Variants in THSD7A observed in about 807,000 individuals in gnomAD.
THSD7A encodes thrombospondin type-1 domain-containing protein 7A.
A neutral mutation model predicts 231.3 loss-of-function variants in THSD7A; 96 were observed. The observed-to-expected ratio is 0.41, with a 90% CI of 0.35 to 0.49. The LOEUF is 0.49. Ranked by LOEUF, THSD7A falls within the 20% of genes least tolerant of loss-of-function variation. The probability of loss-of-function intolerance (pLI) is 0.05; values close to 1 mark genes in which losing one functional copy is unlikely to be tolerated. For synonymous variants in THSD7A, 940 were observed against 743.3 expected (o/e 1.26, Z -4.30); for missense variants, 2,290 against 2,070.2 (o/e 1.11, Z -2.06).
At chr7:11,520,365 C>A (rs1788211474) in intron 6 of THSD7A, among the ~76,000 whole-genome samples, 1 of 152,130 alleles carries the variant, frequency 6.6e-6, no homozygotes, top group Admixed American at 6.5e-5. Context: ...CATAGCATAA[C>A]AAGCCTGACA....
chr7:11,438,048 CAA>C (rs1294331339), intron 13 of THSD7A, among the ~76,000 whole-genome samples: 3 of 151,626 alleles, frequency 2.0e-5, no homozygotes, highest in African/African-American at 4.8e-5. Context: ...CCTGTTCCTA[CAA>C]ATGTTAGTAG....
Position 11,406,289 on chromosome 7 carries a change from G to A in THSD7A, c.4237+11C>T. ...ATAATCAGAATATGAATTCTCCTTTGCCGTTGTTACCTGGGCAAGGCTGGC... is the reference window on the plus strand; with the variant it reads ...ATAATCAGAATATGAATTCTCCTTTACCGTTGTTACCTGGGCAAGGCTGGC... On this transcript the variant is annotated intron_variant, in intron 22 of 27. Coordinates refer to ENST00000423059, the MANE Select transcript of THSD7A (RefSeq NM_015204.3). This position sits in a 1 kb window ranked among gnomAD's most constrained non-coding sequence, Gnocchi z 4.7. 6.3e-7 allele frequency: 1 copy of A among 1,596,822 alleles called. No individual in the cohort carries two copies. Among genetic ancestry groups the A allele is most frequent in the African/African-American group, 1.3e-5 (1 of 74,202 alleles).
At chr7:11,508,095 C>T (rs1787632770) in intron 6 of THSD7A, among the ~76,000 whole-genome samples, 1 of 152,174 alleles carries the variant, frequency 6.6e-6, no homozygotes, top group African/African-American at 2.4e-5. Flanking sequence ...AGGATTCACT[C>T]ACTGTCATGA....
chr7:11,831,856 G>A lies in THSD7A; in HGVS notation c.91C>T (p.Pro31Ser), dbSNP rs1054044726. 2 of 1,298,678 alleles carry A rather than the reference G, an allele frequency of 1.5e-6. No individual in the cohort carries two copies. Among genetic ancestry groups the A allele is most frequent in the Non-Finnish European group, 2.0e-6 (2 of 1,024,954 alleles). 80.4% of individuals were successfully genotyped at this position (1,298,678 alleles called of 1,614,324 possible). A position where few individuals can be genotyped will look rare whatever the true frequency, so the allele number is the denominator to read the frequency against. The change falls in exon 1 of 28, where the codon CCG becomes TCG. Residue 31 changes from proline to serine, a missense_variant. Coordinates refer to ENST00000423059, the MANE Select transcript of THSD7A (RefSeq NM_015204.3). The surrounding 1 kb of genome is among the most constrained non-coding windows in gnomAD (Gnocchi z 5.0). ...GVLQLLPLPL[P>S]LPLLLLLLLR... ...AGCAGCAGCAGGAGCAGCGGCAGCG[G>A]CAGCGGCAGCGGCAGCAGCTGCAGG...
At chr7:11,559,961 G>C (rs1231905395) in intron 4 of THSD7A, among the ~76,000 whole-genome samples, 2 of 152,100 alleles carry the variant, frequency 1.3e-5, no homozygotes, top group African/African-American at 2.4e-5. Context: ...ATTTATCTGA[G>C]AGATATTTAT....
At chr7:11,776,091 T>C (rs1783396382) in intron 1 of THSD7A, among the ~76,000 whole-genome samples, 1 of 152,194 alleles carries the variant, frequency 6.6e-6, no homozygotes, top group South Asian at 2.1e-4. Flanking sequence ...AAGCAGATGT[T>C]TCTGAAGCCC....
intron 23 of THSD7A, among the ~76,000 whole-genome samples, chr7:11,397,746 A>G (rs945511051): frequency 6.6e-6 from 1 of 152,228 alleles, no homozygotes; most frequent in Non-Finnish European, 1.5e-5. Flanking sequence ...GGCGAAGAAT[A>G]TGAACAGACA....
rs1432906806 is a variant in THSD7A, at chr7:11,406,381, C to T, written c.4156G>A (p.Glu1386Lys). 7 of 1,613,948 alleles carry T rather than the reference C, an allele frequency of 4.3e-6. No homozygotes were observed. In the East Asian group the frequency reaches 1.6e-4, roughly 36 times the overall value. The change falls in exon 22 of 28, where the codon GAA becomes AAA. Residue 1386 changes from glutamate to lysine, a missense_variant. Glu to Lys is a moderately conservative substitution (Grantham distance 56, BLOSUM62 1). Coordinates refer to ENST00000423059, the MANE Select transcript of THSD7A (RefSeq NM_015204.3). This position sits in a 1 kb window ranked among gnomAD's most constrained non-coding sequence, Gnocchi z 4.7. Reference protein sequence around the residue: ...ADDFSKVVDEEFCADIELIID... With the variant: ...ADDFSKVVDEKFCADIELIID... Reference sequence around the variant, plus strand: ...ATGAGTTCAATGTCAGCACAGAATTCCTCATCCACCACTTTGCTGAAATCA... The same window carrying T: ...ATGAGTTCAATGTCAGCACAGAATTTCTCATCCACCACTTTGCTGAAATCA...
chr7:11,568,327 T>C (rs901885044), intron 4 of THSD7A, among the ~76,000 whole-genome samples: 2 of 151,806 alleles, frequency 1.3e-5, no homozygotes, highest in African/African-American at 4.9e-5. Flanking sequence ...CTGAGTATTT[T>C]CAAATATCAC....
rs750574911 is a variant in THSD7A at position 11,636,262 on chromosome 7, C to G, written c.890G>C (p.Arg297Pro). Residue 297 changes from arginine (R) to proline (P), a missense_variant, in exon 2 of 28, where the codon CGC becomes CCC. Coordinates refer to ENST00000423059, the MANE Select transcript of THSD7A (RefSeq NM_015204.3). This position sits in a 1 kb window ranked among gnomAD's most constrained non-coding sequence, Gnocchi z 10.0. ...RSKGVKDPEA[R>P]ELIKKKRNRN... ...GTTTCTCTTTTTCTTAATAAGCTCGCGGGCTTCTGGATCCTTTACTCCTTT... is the reference window on the plus strand; with the variant it reads ...GTTTCTCTTTTTCTTAATAAGCTCGGGGGCTTCTGGATCCTTTACTCCTTT... 1 of 1,613,988 alleles carries G rather than the reference C, an allele frequency of 6.2e-7. No individual in the cohort carries two copies. The highest frequency in any genetic ancestry group is 2.2e-5 in the East Asian group (1 of 44,874).
chr7:11,409,208 A>G (rs923385583), intron 19 of THSD7A, among the ~76,000 whole-genome samples: 3 of 152,190 alleles, frequency 2.0e-5, no homozygotes, highest in African/African-American at 7.2e-5. Flanking sequence ...TGAAGATAAA[A>G]ATAATACTAC....
At chr7:11,641,298 G>T (rs983426807) in intron 1 of THSD7A, among the ~76,000 whole-genome samples, 2 of 151,998 alleles carry the variant, frequency 1.3e-5, no homozygotes, top group Non-Finnish European at 2.9e-5. Context: ...AATTTCAATG[G>T]CTTACTTTTG....
At chr7:11,382,685 A>T (rs1249689878) in intron 23 of THSD7A, 69 bp from the exon 24 acceptor site, 2 of 1,133,746 alleles carry the variant, frequency 1.8e-6, no homozygotes, top group African/African-American at 3.1e-5. Context: ...GGGATAGAGT[A>T]TTAATAACAT....
intron 6 of THSD7A, among the ~76,000 whole-genome samples, chr7:11,537,811 A>C (rs1360689011): frequency 6.6e-6 from 1 of 152,188 alleles, no homozygotes; most frequent in African/African-American, 2.4e-5. Context: ...ATATGTAGAA[A>C]TGTTCCCAAA....
chr7:11,705,292 A>T (rs1780728415), intron 1 of THSD7A, among the ~76,000 whole-genome samples: 1 of 151,046 alleles, frequency 6.6e-6, no homozygotes, highest in African/African-American at 2.4e-5. Context: ...ACTTAAAAGC[A>T]AGAGTAAGTT....
intron 17 of THSD7A, among the ~76,000 whole-genome samples, chr7:11,415,098 A>T (rs1267351843): frequency 6.6e-6 from 1 of 152,270 alleles, no homozygotes; most frequent in East Asian, 1.9e-4. Context: ...AAAAGACTGT[A>T]ACCTACTCTT....
At chr7:11,402,055 A>G (rs1783424681) in intron 22 of THSD7A, 87 bp from the exon 23 acceptor site, 7 of 1,093,568 alleles carry the variant, frequency 6.4e-6, no homozygotes, top group Non-Finnish European at 9.3e-6. Context: ...CCAGTAGGCA[A>G]TGTTTCTGGT....
chr7:11,788,144 T>G (rs1423831188), intron 1 of THSD7A, among the ~76,000 whole-genome samples: 1 of 152,064 alleles, frequency 6.6e-6, no homozygotes, highest in Non-Finnish European at 1.5e-5. Flanking sequence ...CATCTAATCC[T>G]TCCCAACCAT....
chr7:11,708,777 T>C (rs149776589), intron 1 of THSD7A, among the ~76,000 whole-genome samples: 132 of 150,942 alleles, frequency 8.7e-4, no homozygotes, highest in African/African-American at 3.1e-3. Context: ...AATTCTAGTA[T>C]GCTATTTTCA....
Sources: gnomAD v4.1 joint callset for allele counts (sites outside exome capture counted in the v4.1 genomes callset) on GRCh38, gnomAD v4.1.1 for gene constraint, Gnocchi (gnomAD v3.1) non-coding constraint, MANE v1.5 for transcripts, NCBI Gene and HGNC (gene_info 2026-07-23, HGNC 2026-07-21) for gene names.